Variants in CEP164 observed in about 807,000 individuals in gnomAD.
CEP164 encodes the protein centrosomal protein 164, also known as centrosomal protein of 164 kDa.
CEP164 carries 162 observed loss-of-function variants against 182.7 expected under a neutral mutation model. The observed-to-expected ratio is 0.89, with a 90% confidence interval of 0.78 to 1.01. The LOEUF is 1.01. CEP164 is among the 50% of genes least tolerant of loss of function. The pLI is 0.00. For synonymous variants in CEP164, 661 were observed against 690.0 expected (o/e 0.96, Z 0.66); for missense variants, 1,735 against 1,790.4 (o/e 0.97, Z 0.56).
intron 5 of CEP164, chr11:117,355,499 C>G: frequency 7.8e-7 from 1 of 1,289,158 alleles, no homozygotes; most frequent in South Asian, 1.2e-5. Context: ...CAAACTGAGC[C>G]CCACTGGCCC....
Position 117,382,810 on chromosome 11 carries a change from GC to G in CEP164, c.1595del (p.Pro532HisfsTer61). On this transcript the variant is annotated frameshift_variant, in exon 14 of 33. Coordinates refer to ENST00000278935, the MANE Select transcript of CEP164 (RefSeq NM_014956.5). LOFTEE classifies it high-confidence loss of function. ...CTGCTATCAAGGGAGCAGGCCCCAA[GC>G]CCACCTGCTGCCTGTGAGAAGGGCA... ...QLSLQREQAP[S>X]PPAACEKGKE... 3 of 1,614,078 alleles carry G rather than the reference GC, an allele frequency of 1.9e-6. No individual in the cohort carries two copies. The highest frequency in any genetic ancestry group is 2.5e-6 in the Non-Finnish European group (3 of 1,179,996).
chr11:117,380,624 C>T lies in CEP164; in HGVS notation c.1328C>T (p.Pro443Leu), dbSNP rs779057798. The T allele has an allele frequency of 4.4e-6, 7 of 1,601,890 alleles. No individual in the cohort carries two copies. The East Asian group carries it at 9.0e-5, about 21-fold the overall frequency. The change falls in exon 12 of 33, where the codon CCA becomes CTA. Residue 443 changes from proline to leucine, a missense_variant. Coordinates refer to ENST00000278935, the MANE Select transcript of CEP164 (RefSeq NM_014956.5). ...LGGACRQAQQ[P>L]LGIEDKDDSQ... ...GCTTCTCTCCTACAGGCCCAGCAAC[C>T]ACTGGGAATAGAAGACAAGGATGAC...
Position 117,360,676 on chromosome 11 carries a change from A to G in CEP164, c.394-1159A>G, listed in dbSNP as rs118136882. On this transcript the variant is annotated intron_variant, in intron 5 of 32. Coordinates refer to ENST00000278935, the MANE Select transcript of CEP164 (RefSeq NM_014956.5). ...ATGTGAGCCACTATGCCTTGGCCTT[A>G]GATTTTAATCAGAGTAGTGCATGTC... 1.4e-3 allele frequency among the ~76,000 whole-genome samples: 215 copies of G among 152,030 alleles called. 3 individuals carry two copies. The highest frequency in any genetic ancestry group is 2.4e-3 in the Non-Finnish European group (165 of 67,964).
rs567606912 is a variant in CEP164 at position 117,356,397 on chromosome 11, A to G, written c.393+4409A>G. The G allele has an allele frequency of 1.2e-5, 14 of 1,205,234 alleles. No individual in the cohort carries two copies. The African/African-American group carries it at 1.7e-4, about 15-fold the overall frequency. The allele number at this position is 1,205,234 out of a possible 1,614,324, so 74.7% of individuals were successfully genotyped here. A position where few individuals can be genotyped will look rare whatever the true frequency, so the allele number is the denominator to read the frequency against. On this transcript the variant is annotated intron_variant, in intron 5 of 32. Transcript: ENST00000278935. ...TCTAGGATGTCTAGTGAGGGTGAGC[A>G]CGAGGCCATCAGAGTCATGGAGAGG... is the stretch of plus-strand genomic sequence containing the variant.
chr11:117,331,993 T>TATAC (rs1454659414), intron 1 of CEP164, among the ~76,000 whole-genome samples: 1 of 149,550 alleles, frequency 6.7e-6, no homozygotes, highest in African/African-American at 2.5e-5. Context: ...TATATATATA[T>TATAC]ATATATATAT....
At chr11:117,407,391 G>C (rs1035890263) in intron 27 of CEP164, among the ~76,000 whole-genome samples, 14 of 148,994 alleles carry the variant, frequency 9.4e-5, no homozygotes, top group African/African-American at 3.5e-4. Flanking sequence ...TGCTTTGGGA[G>C]GCTGAGGCTG....
Position 117,411,610 on chromosome 11 carries a change from C to G in CEP164, c.4164-185C>G, listed in dbSNP as rs2136993449. On this transcript the variant is annotated intron_variant, in intron 31 of 32. Coordinates refer to ENST00000278935, the MANE Select transcript of CEP164 (RefSeq NM_014956.5). The surrounding 1 kb of genome is among the most constrained non-coding windows in gnomAD (Gnocchi z 4.4). ...GGGGGCAGAGGGCCTCCACCACTTTCCCGTTTGGGAACTGTTCTGGAGGGG... is the reference window on the plus strand; with the variant it reads ...GGGGGCAGAGGGCCTCCACCACTTTGCCGTTTGGGAACTGTTCTGGAGGGG... 1 of 742,680 alleles carries G rather than the reference C, an allele frequency of 1.3e-6. No individual in the cohort carries two copies. Among genetic ancestry groups the G allele is most frequent in the Non-Finnish European group, 2.1e-6 (1 of 480,102 alleles). The allele number at this position is 742,680 out of a possible 1,614,324, so 46.0% of individuals were successfully genotyped here. A position where few individuals can be genotyped will look rare whatever the true frequency, so the allele number is the denominator to read the frequency against.
At chr11:117,359,516 G>A (rs1669147685) in intron 5 of CEP164, 1 of 985,306 alleles carries the variant, frequency 1.0e-6, no homozygotes, top group Middle Eastern at 5.2e-4. Context: ...AATGGGCCCT[G>A]CTGGGAACCC....
intron 19 of CEP164, 47 bp downstream of exon 19, chr11:117,392,674 T>C: frequency 6.3e-7 from 1 of 1,590,846 alleles, no homozygotes; most frequent in South Asian, 1.1e-5. Context: ...TGTTGTGGAC[T>C]CTCTTACAGT....
chr11:117,340,524 G>T (rs610749), intron 3 of CEP164, among the ~76,000 whole-genome samples: 33,070 of 151,642 alleles, frequency 0.22, 3,748 homozygotes, highest in African/African-American at 0.27. Flanking sequence ...AGCATAGGGT[G>T]TTTTTTTTGT....
chr11:117,411,805 C>T lies in CEP164; in HGVS notation c.4174C>T (p.Arg1392Trp), dbSNP rs769676851. ...CCTCTTCCTTCCCAGTGAGCAGCTC[C>T]GGCTCCTACAGCACTCCCATTCGCA... ...LGYMSASEQLRLLQHSHSQVP... is the reference protein window; with the variant it reads ...LGYMSASEQLWLLQHSHSQVP... The change falls in exon 32 of 33, where the codon CGG becomes TGG. Residue 1392 changes from arginine to tryptophan, a missense_variant. By Grantham distance (101) the Arg-to-Trp change is moderately radical. Coordinates refer to ENST00000278935, the MANE Select transcript of CEP164 (RefSeq NM_014956.5). The surrounding 1 kb of genome is among the most constrained non-coding windows in gnomAD (Gnocchi z 4.4). 2.7e-5 allele frequency: 44 copies of T among 1,614,164 alleles called. No homozygotes were observed. Among genetic ancestry groups the T allele is most frequent in the Middle Eastern group, 1.6e-4 (1 of 6,062 alleles).
In CEP164 at chr11:117,412,786, G is replaced by C. The variant is rs540621454; in HGVS notation, c.*618G>C. 2.6e-4 allele frequency: 39 copies of C among 152,810 alleles called. No homozygotes were observed. The highest frequency in any genetic ancestry group is 9.2e-4 in the African/African-American group (38 of 41,520). The allele number at this position is 152,810 out of a possible 1,614,324, so 9.5% of individuals were successfully genotyped here. ...TTAGCTGTCCAGAGCCCTGCCGGAG[G>C]GTGCTGGGGGCTGTCCCTCTGCAGG... On this transcript the variant is annotated 3_prime_UTR_variant, in exon 33 of 33. Coordinates refer to ENST00000278935, the MANE Select transcript of CEP164 (RefSeq NM_014956.5).
chr11:117,331,806 G>A (rs1335220633), intron 1 of CEP164, among the ~76,000 whole-genome samples: 1 of 151,158 alleles, frequency 6.6e-6, no homozygotes, highest in Non-Finnish European at 1.5e-5. Context: ...GAGTATGGTG[G>A]TACAATCATA....
chr11:117,362,291 A>C (rs1245120557), intron 6 of CEP164, 113 bp from the exon 7 acceptor site: 1 of 1,186,426 alleles, frequency 8.4e-7, no homozygotes, highest in Non-Finnish European at 1.2e-6. Flanking sequence ...CTTCATGGAC[A>C]TGGTGGCACT....
At chr11:117,343,361 A>G (rs1299010217) in intron 3 of CEP164, among the ~76,000 whole-genome samples, 3 of 152,164 alleles carry the variant, frequency 2.0e-5, no homozygotes, top group Non-Finnish European at 4.4e-5. Flanking sequence ...CATACAGGAC[A>G]TGTCTTCATT....
intron 5 of CEP164, among the ~76,000 whole-genome samples, chr11:117,352,285 AG>A (rs2039740552): frequency 1.3e-5 from 2 of 152,158 alleles, no homozygotes; most frequent in Admixed American, 1.3e-4. Context: ...TTGCAGTAGT[AG>A]TAGCAGTAAT....
At chr11:117,386,786 G>A (rs999789607) in intron 14 of CEP164, 5 of 190,272 alleles carry the variant, frequency 2.6e-5, no homozygotes, top group Non-Finnish European at 4.4e-5. Context: ...ACAAATTGCT[G>A]GCATGAGCCT....
At position 117,371,206 on chromosome 11, in the gene CEP164, G is replaced by A; in HGVS notation, c.892G>A (p.Gly298Ser). ...GADSSLSSAV[G>S]KGRQGSGARP... ...AGACAGCAGTCTGAGCAGTGCTGTT[G>A]GCAAAGGGCGACAGGGAAGTGGAGC... The change falls in exon 9 of 33, where the codon GGC (glycine) becomes AGC (serine). Residue 298 changes from glycine to serine, a missense_variant. By Grantham distance (56) the Gly-to-Ser change is moderately conservative. Transcript: ENST00000278935. The A allele has an allele frequency of 6.2e-7, 1 of 1,614,198 alleles. No individual in the cohort carries two copies. Among genetic ancestry groups the A allele is most frequent in the Non-Finnish European group, 8.5e-7 (1 of 1,180,032 alleles).
intron 5 of CEP164, among the ~76,000 whole-genome samples, chr11:117,358,979 C>T (rs2040626668): frequency 6.7e-6 from 1 of 149,788 alleles, no homozygotes; most frequent in Non-Finnish European, 1.5e-5. Context: ...GGGTCTCACT[C>T]TGTAACCCAG....
Sources: gnomAD v4.1 joint callset for allele counts (sites outside exome capture counted in the v4.1 genomes callset) on GRCh38, gnomAD v4.1.1 for gene constraint, Gnocchi (gnomAD v3.1) non-coding constraint, MANE v1.5 for transcripts, NCBI Gene and HGNC (gene_info 2026-07-23, HGNC 2026-07-21) for gene names.